Variants in PPIL6 observed in about 807,000 individuals in gnomAD.
PPIL6 encodes the protein peptidylprolyl isomerase like 6.
PPIL6 carries 39 observed loss-of-function variants against 36.8 expected under a neutral mutation model. That is an observed-to-expected ratio of 1.06 (90% CI 0.82 to 1.38). The LOEUF is 1.38. Ranked by LOEUF, PPIL6 falls within the 40% of genes most tolerant of loss-of-function variation. PPIL6 has a pLI of 0.00. For synonymous variants in PPIL6, 123 were observed against 134.1 expected, an observed-to-expected ratio of 0.92 and a Z score of 0.57; for missense variants, 368 against 379.1, an observed-to-expected ratio of 0.97 and a Z score of 0.24.
intron 6 of PPIL6, among the ~76,000 whole-genome samples, chr6:109,403,907 T>C (rs1356546490): frequency 6.6e-6 from 1 of 152,156 alleles, no homozygotes; most frequent in Non-Finnish European, 1.5e-5. Flanking sequence ...TGCATTCACA[T>C]TCCCAGGCAG....
chr6:109,397,197 A>C (rs1422789691), intron 7 of PPIL6, among the ~76,000 whole-genome samples: 1 of 141,916 alleles, frequency 7.0e-6, no homozygotes, highest in African/African-American at 2.5e-5. Context: ...ATACACTGAG[A>C]TCATACTTGA....
chr6:109,402,282 T>A (rs893303329), intron 6 of PPIL6, among the ~76,000 whole-genome samples: 2 of 151,378 alleles, frequency 1.3e-5, no homozygotes, highest in Non-Finnish European at 2.9e-5. Context: ...ATGCCTGTAA[T>A]CCCAGCACTT....
In PPIL6 at chr6:109,391,287, CAAAAAAAAAAAAAAAAA is replaced by C. The variant is rs60069816; in HGVS notation, c.*1522_*1538del. ...TGGGCGACAGAGTGAGATTCCGTCT[CAAAAAAAAAAAAAAAAA>C]AAAAAAAAAAAAGAAAAGCACTCTT... On this transcript the variant is annotated 3_prime_UTR_variant, in exon 8 of 8. Transcript: ENST00000521072. 378 of 48,208 alleles carry C rather than the reference CAAAAAAAAAAAAAAAAA, an allele frequency of 7.8e-3. 3 individuals are homozygous for C. The highest frequency in any genetic ancestry group is 0.017 in the African/African-American group (363 of 20,842). The allele number at this position is 48,208 out of a possible 1,614,324, so 3.0% of individuals were successfully genotyped here.
intron 2 of PPIL6, 96 bp downstream of exon 2, chr6:109,436,008 A>G: frequency 1.3e-6 from 1 of 762,366 alleles, no homozygotes; most frequent in Non-Finnish European, 2.4e-6. Flanking sequence ...TAGTTACACT[A>G]AAATTACTCT....
intron 2 of PPIL6, among the ~76,000 whole-genome samples, chr6:109,434,429 G>T (rs537961431): frequency 1.6e-4 from 25 of 152,166 alleles, no homozygotes; most frequent in African/African-American, 5.8e-4. Flanking sequence ...GTGTGTTTGT[G>T]TGTGTGTGTG....
intron 6 of PPIL6, among the ~76,000 whole-genome samples, chr6:109,411,306 A>C (rs1431188323): frequency 1.3e-5 from 2 of 152,172 alleles, no homozygotes; most frequent in African/African-American, 4.8e-5. Flanking sequence ...AATCCCTAGA[A>C]TCCTTAGCCA....
chr6:109,403,034 G>A (rs1473187375), intron 6 of PPIL6: 17 of 1,527,460 alleles, frequency 1.1e-5, no homozygotes, highest in South Asian at 4.8e-5. Flanking sequence ...TGCTCACCTC[G>A]GTATTTCTCG....
rs1491529755 is a variant in PPIL6, at chr6:109,435,296, C to CA, written c.231+807_231+808insT. 1.2e-4 allele frequency among the ~76,000 whole-genome samples: 16 copies of CA among 131,950 alleles called. 1 individual carries two copies. The highest frequency in any genetic ancestry group is 8.4e-4 in the Admixed American group (11 of 13,046). 86.6% of individuals were successfully genotyped at this position (131,950 alleles called of 152,430 possible). A position where few individuals can be genotyped will look rare whatever the true frequency, so the allele number is the denominator to read the frequency against. On this transcript the variant is annotated intron_variant, in intron 2 of 7. Transcript: ENST00000521072. ...AAAGGAAAATTCTGTAAATGTTGCACTTTTTTTTTTTTTTTTTTTGGAGAC... is the reference window on the plus strand; with the variant it reads ...AAAGGAAAATTCTGTAAATGTTGCACATTTTTTTTTTTTTTTTTTTGGAGAC...
chr6:109,437,999 T>C (rs1774550182), intron 1 of PPIL6, among the ~76,000 whole-genome samples: 1 of 152,254 alleles, frequency 6.6e-6, no homozygotes. Flanking sequence ...ATGTATGCAA[T>C]ATTTGTTCCT....
chr6:109,400,133 T>C lies in PPIL6; in HGVS notation c.726A>G (p.Val242=). 6.2e-7 allele frequency: 1 copy of C among 1,613,516 alleles called. No individual in the cohort carries two copies. The highest frequency in any genetic ancestry group is 8.5e-7 in the Non-Finnish European group (1 of 1,179,528). The part of the protein sequence containing the change: ...NFSVPHNKRG[V]LGMANKGRHS... ...GACGGCCTTTGTTGGCCATTCCAAG[T>C]ACTCCTCTTTTATTATGAGGAACTG... Residue 242 remains valine, a synonymous_variant, in exon 7 of 8, where the codon GTA becomes GTG. Coordinates refer to ENST00000521072, the MANE Select transcript of PPIL6 (RefSeq NM_173672.5).
In PPIL6 at chr6:109,412,160, A is replaced by G. The variant is rs956028444; in HGVS notation, c.688+7027T>C. On this transcript the variant is annotated intron_variant, in intron 6 of 7. Transcript: ENST00000521072. ...GGCATCTAATGATCCAAAAGTTACT[A>G]TCCCTTTCCTGCATAAACTGCCCCT... Among the ~76,000 whole-genome samples, 61 of 152,194 alleles carry G rather than the reference A, an allele frequency of 4.0e-4. 1 individual carries two copies. The highest frequency in any genetic ancestry group is 1.2e-4 in the Non-Finnish European group (8 of 68,034).
At chr6:109,420,789 A>G (rs1234529326) in intron 5 of PPIL6, among the ~76,000 whole-genome samples, 1 of 152,204 alleles carries the variant, frequency 6.6e-6, no homozygotes, top group Admixed American at 6.5e-5. Context: ...TGTGTGTGCT[A>G]TTTTTCAAAG....
chr6:109,416,512 CTTTTTT>C (rs35346449), intron 6 of PPIL6, among the ~76,000 whole-genome samples: 1 of 139,276 alleles, frequency 7.2e-6, no homozygotes, highest in Non-Finnish European at 1.6e-5. Flanking sequence ...CTTTTTGTGG[CTTTTTT>C]TTTTTTTTTT....
At chr6:109,439,628 C>T (rs2115305317) in intron 1 of PPIL6, among the ~76,000 whole-genome samples, 1 of 152,318 alleles carries the variant, frequency 6.6e-6, no homozygotes, top group South Asian at 2.1e-4. Flanking sequence ...TGAGTCACCG[C>T]GCCAAGATAT....
upstream of PPIL6, chr6:109,440,797 A>C: frequency 2.8e-6 from 1 of 354,710 alleles, no homozygotes; most frequent in Non-Finnish European, 4.8e-6. Flanking sequence ...CTTGGAGGAA[A>C]AGGAACCGGG....
chr6:109,426,718 T>C (rs1773830299), intron 5 of PPIL6, 129 bp downstream of exon 5: 3 of 564,368 alleles, frequency 5.3e-6, no homozygotes, highest in African/African-American at 1.9e-5. Flanking sequence ...TTTGGCTATA[T>C]AAAGCATTCT....
chr6:109,415,748 T>G (rs1400130858), intron 6 of PPIL6, among the ~76,000 whole-genome samples: 1 of 152,170 alleles, frequency 6.6e-6, no homozygotes, highest in Non-Finnish European at 1.5e-5. Flanking sequence ...TCTTCCATAA[T>G]GTTGACAATC....
intron 7 of PPIL6, among the ~76,000 whole-genome samples, chr6:109,394,964 C>T (rs529784862): frequency 6.6e-6 from 1 of 152,278 alleles, no homozygotes; most frequent in South Asian, 2.1e-4. Context: ...CCAACTTGAA[C>T]TCATGATTTT....
rs1454659585 is a variant in PPIL6 at position 109,426,987 on chromosome 6, C to T, written c.491G>A (p.Cys164Tyr). 3 of 1,606,136 alleles carry T rather than the reference C, an allele frequency of 1.9e-6. No individual in the cohort carries two copies. Among genetic ancestry groups the T allele is most frequent in the Admixed American group, 3.4e-5 (2 of 59,684 alleles). The change falls in exon 5 of 8, where the codon TGT becomes TAT. Residue 164 changes from cysteine to tyrosine, a missense_variant. Cys to Tyr is a radical substitution (Grantham distance 194). Transcript: ENST00000521072. ...PIGRLIFELY[C>Y]DVCPKTCKNF... ...TTTACATGTTTTGGGACACACATCA[C>T]AGTATAGCTACAAAATAAAGACAAA... is the stretch of plus-strand genomic sequence containing the variant.
Sources: allele counts gnomAD v4.1 joint callset (sites outside exome capture counted in the v4.1 genomes callset), GRCh38; gene constraint gnomAD v4.1.1; transcripts MANE v1.5; gene names NCBI Gene and HGNC (gene_info 2026-07-23, HGNC 2026-07-21).